Variants in FRY observed in about 807,000 individuals in gnomAD.
FRY encodes the protein FRY microtubule binding protein, also known as protein furry homolog.
FRY carries 128 observed loss-of-function variants against 348.4 expected under a neutral mutation model. That is an observed-to-expected ratio of 0.37 (90% confidence interval 0.32 to 0.43). The LOEUF is 0.43. Ranked by LOEUF, FRY falls within the 20% of genes least tolerant of loss-of-function variation. FRY has a pLI of 1.00. For missense variants in FRY, 2,736 were observed against 3,695.2 expected (o/e 0.74, Z 6.73); for synonymous variants, 1,370 against 1,374.7 (o/e 1.00, Z 0.08).
chr13:32,271,115 T>C lies in FRY; in HGVS notation c.8137-3727T>C, dbSNP rs74044971. 2.7e-3 allele frequency among the ~76,000 whole-genome samples: 411 copies of C among 152,292 alleles called. 2 individuals carry two copies. The highest frequency in any genetic ancestry group is 9.4e-3 in the African/African-American group (391 of 41,560). Reference sequence around the variant, plus strand: ...CTCCACCCTCTACCTGCCTGGCACCTGGCAACCCACCAGTTGAGATGCTGG... The same window carrying C: ...CTCCACCCTCTACCTGCCTGGCACCCGGCAACCCACCAGTTGAGATGCTGG... On this transcript the variant is annotated intron_variant, in intron 55 of 60. Transcript: ENST00000542859.
At chr13:32,081,859 T>A (rs1377823972) in intron 2 of FRY, among the ~76,000 whole-genome samples, 1 of 152,220 alleles carries the variant, frequency 6.6e-6, no homozygotes, top group Admixed American at 6.5e-5. Flanking sequence ...TAGAGTACAC[T>A]TAAGGTGAAT....
intron 8 of FRY, among the ~76,000 whole-genome samples, chr13:32,133,984 C>T (rs979187344): frequency 1.3e-5 from 2 of 151,958 alleles, no homozygotes; most frequent in African/African-American, 4.8e-5. Flanking sequence ...TTGGCCATGT[C>T]ACCCAGGCTG....
intron 1 of FRY, among the ~76,000 whole-genome samples, chr13:32,075,118 C>A (rs1874955014): frequency 6.6e-6 from 1 of 152,084 alleles, no homozygotes; most frequent in African/African-American, 2.4e-5. Flanking sequence ...AAAATCAGAC[C>A]TATGAAGGAA....
At chr13:32,246,027 G>C (rs1309066501) in intron 47 of FRY, among the ~76,000 whole-genome samples, 1 of 152,194 alleles carries the variant, frequency 6.6e-6, no homozygotes, top group African/African-American at 2.4e-5. Flanking sequence ...ACACCACATA[G>C]GGTAGGCAGT....
intron 29 of FRY, among the ~76,000 whole-genome samples, chr13:32,200,881 A>C (rs1283846152): frequency 6.6e-6 from 1 of 151,882 alleles, no homozygotes; most frequent in East Asian, 1.9e-4. Context: ...TTCTGTCTCT[A>C]CTGTTTCTGC....
chr13:32,274,756 AAAG>A, intron 55 of FRY, 83 bp from the exon 56 acceptor site: 1 of 929,004 alleles, frequency 1.1e-6, no homozygotes, highest in Admixed American at 2.0e-5. Context: ...GAATATAAAA[AAAG>A]AAGCTACCCC....
At chr13:32,081,843 T>A (rs1264505179) in intron 2 of FRY, among the ~76,000 whole-genome samples, 1 of 152,238 alleles carries the variant, frequency 6.6e-6, no homozygotes, top group East Asian at 1.9e-4. Flanking sequence ...TTATTTTTGA[T>A]GTATGTAGAG....
At chr13:32,051,492 G>A (rs1008978530) in intron 1 of FRY, among the ~76,000 whole-genome samples, 3 of 152,146 alleles carry the variant, frequency 2.0e-5, no homozygotes, top group Admixed American at 6.5e-5. Context: ...CCCAGCACCC[G>A]AATTACTCCT....
At chr13:32,116,258 A>G (rs189546195) in intron 3 of FRY, among the ~76,000 whole-genome samples, 1 of 152,254 alleles carries the variant, frequency 6.6e-6, no homozygotes, top group East Asian at 1.9e-4. Context: ...ATATGAATAT[A>G]TCCACTTTAT....
intron 57 of FRY, 130 bp downstream of exon 57, chr13:32,276,692 C>A (rs1888553208): frequency 1.4e-6 from 1 of 709,490 alleles, no homozygotes; most frequent in Non-Finnish European, 2.6e-6. Context: ...TTAAGGATTA[C>A]AATTCCAATT....
intron 2 of FRY, among the ~76,000 whole-genome samples, chr13:32,095,040 A>G (rs1876595623): frequency 6.6e-6 from 1 of 152,148 alleles, no homozygotes; most frequent in Admixed American, 6.5e-5. Context: ...GATATAAGCC[A>G]TTTTAACTGG....
At chr13:32,111,525 A>G (rs1311819214) in intron 3 of FRY, among the ~76,000 whole-genome samples, 2 of 151,988 alleles carry the variant, frequency 1.3e-5, no homozygotes, top group African/African-American at 4.8e-5. Context: ...AGAGAAGAAG[A>G]GAGTTGGCAG....
intron 14 of FRY, among the ~76,000 whole-genome samples, chr13:32,153,491 T>C (rs1021512325): frequency 6.6e-6 from 1 of 152,162 alleles, no homozygotes; most frequent in Non-Finnish European, 1.5e-5. Flanking sequence ...AGGTGGAATG[T>C]GGAAATTAAA....
intron 2 of FRY, among the ~76,000 whole-genome samples, chr13:32,090,720 T>G (rs1876242525): frequency 6.6e-6 from 1 of 152,224 alleles, no homozygotes; most frequent in Non-Finnish European, 1.5e-5. Flanking sequence ...TCTTTTTTTT[T>G]TCTTTTTTAA....
chr13:32,137,791 T>C (rs1397604037), intron 11 of FRY, among the ~76,000 whole-genome samples: 2 of 152,224 alleles, frequency 1.3e-5, no homozygotes, highest in African/African-American at 2.4e-5. Flanking sequence ...TTTAAGAATA[T>C]AGTTAGTTAC....
chr13:32,050,984 A>G (rs1323316314), intron 1 of FRY, among the ~76,000 whole-genome samples: 1 of 152,208 alleles, frequency 6.6e-6, no homozygotes, highest in Non-Finnish European at 1.5e-5. Flanking sequence ...ACAACATAAC[A>G]TGTCAACAGA....
At position 32,185,073 on chromosome 13, in the gene FRY, AAAG is replaced by A; in HGVS notation, c.3248_3250del (p.Glu1083del). The A allele has an allele frequency of 3.1e-6, 5 of 1,614,080 alleles. No homozygotes were observed. The highest frequency in any genetic ancestry group is 1.7e-5 in the Admixed American group (1 of 60,024). On this transcript the variant is annotated inframe_deletion, in exon 26 of 61. Coordinates refer to ENST00000542859, the MANE Select transcript of FRY (RefSeq NM_023037.3). The stretch of plus-strand genomic sequence containing the variant: ...CATGCTCCTAGAAGCTGAAAATGAC[AAAG>A]AAGTTGAAATTCTTAAAGATATCCG...
chr13:32,051,717 T>G (rs1169486423), intron 1 of FRY, among the ~76,000 whole-genome samples: 9 of 152,226 alleles, frequency 5.9e-5, no homozygotes, highest in Admixed American at 5.9e-4. Flanking sequence ...CAACCAATAT[T>G]CATTGAGGAC....
At chr13:32,059,764 G>A (rs1454649822) in intron 1 of FRY, among the ~76,000 whole-genome samples, 2 of 152,080 alleles carry the variant, frequency 1.3e-5, no homozygotes, top group South Asian at 4.1e-4. Flanking sequence ...GAATGAGAAG[G>A]ACTTTACCCT....
Sources: gnomAD v4.1 joint callset for allele counts (sites outside exome capture counted in the v4.1 genomes callset) on GRCh38, gnomAD v4.1.1 for gene constraint, MANE v1.5 for transcripts, NCBI Gene and HGNC (gene_info 2026-07-23, HGNC 2026-07-21) for gene names.